Variants in MYRIP observed in about 807,000 individuals in gnomAD.
The protein encoded by MYRIP is myosin VIIA and Rab interacting protein.
MYRIP carries 49 observed loss-of-function variants against 98.0 expected under a neutral mutation model. The ratio of observed to expected loss-of-function variants is 0.50; its 90% confidence interval spans 0.40 to 0.63. The LOEUF (loss-of-function observed/expected upper bound fraction) is 0.63. MYRIP is among the 30% of genes least tolerant of loss of function. MYRIP has a pLI of 0.00. For synonymous variants in MYRIP, 404 were observed against 409.5 expected (o/e 0.99, Z 0.16); for missense variants, 1,004 against 1,058.2 (o/e 0.95, Z 0.71).
At chr3:40,023,697 T>C (rs1947056177) in intron 2 of MYRIP, among the ~76,000 whole-genome samples, 1 of 152,112 alleles carries the variant, frequency 6.6e-6, no homozygotes, top group Non-Finnish European at 1.5e-5. Flanking sequence ...GGCAGAAGAA[T>C]CTAGGAAAGG....
chr3:40,088,101 G>A (rs559465155), intron 3 of MYRIP, among the ~76,000 whole-genome samples: 24 of 152,312 alleles, frequency 1.6e-4, no homozygotes, highest in Admixed American at 1.4e-3. Context: ...GTTGACCTGG[G>A]AGCCAATAAG....
intron 1 of MYRIP, among the ~76,000 whole-genome samples, chr3:39,862,310 C>T (rs1025980818): frequency 3.3e-5 from 5 of 152,082 alleles, no homozygotes; most frequent in African/African-American, 1.2e-4. Context: ...TACCATCAGC[C>T]CTGGATTATA....
intron 2 of MYRIP, among the ~76,000 whole-genome samples, chr3:39,997,785 A>G (rs1370869774): frequency 6.6e-6 from 1 of 152,222 alleles, no homozygotes; most frequent in Non-Finnish European, 1.5e-5. Context: ...AAAATCCATG[A>G]TAAAATACTG....
intron 2 of MYRIP, among the ~76,000 whole-genome samples, chr3:39,988,068 C>A (rs950432835): frequency 3.3e-5 from 5 of 152,004 alleles, no homozygotes; most frequent in African/African-American, 1.2e-4. Flanking sequence ...GAACAAAAAA[C>A]CAAACACCGC....
chr3:40,210,488 A>C (rs1365811187), intron 11 of MYRIP, among the ~76,000 whole-genome samples: 1 of 151,890 alleles, frequency 6.6e-6, no homozygotes, highest in Non-Finnish European at 1.5e-5. Context: ...CATCTAGCCA[A>C]CCCCTCTTTT....
intron 1 of MYRIP, among the ~76,000 whole-genome samples, chr3:39,869,437 T>C (rs1559502357): frequency 6.6e-6 from 1 of 152,176 alleles, no homozygotes; most frequent in Non-Finnish European, 1.5e-5. Context: ...TCTATTGATA[T>C]TCTCTGGTGA....
intron 1 of MYRIP, among the ~76,000 whole-genome samples, chr3:39,864,537 A>G (rs2125622478): frequency 6.6e-6 from 1 of 152,318 alleles, no homozygotes; most frequent in Non-Finnish European, 1.5e-5. Context: ...TCAGTAATCC[A>G]GTTCCATTAA....
At chr3:40,249,869 T>C (rs1953319737) in intron 13 of MYRIP, among the ~76,000 whole-genome samples, 1 of 152,166 alleles carries the variant, frequency 6.6e-6, no homozygotes. Context: ...ACAGGACATA[T>C]AAATCCTATG....
At chr3:39,824,542 T>A (rs1941208202) in intron 1 of MYRIP, among the ~76,000 whole-genome samples, 1 of 152,142 alleles carries the variant, frequency 6.6e-6, no homozygotes, top group African/African-American at 2.4e-5. Context: ...CAGTGTTTTA[T>A]ATAGTTTATT....
intron 2 of MYRIP, among the ~76,000 whole-genome samples, chr3:40,038,968 G>A (rs1369790583): frequency 6.6e-6 from 1 of 152,160 alleles, no homozygotes; most frequent in Non-Finnish European, 1.5e-5. Context: ...GATAGGCAGA[G>A]ATGGAACAGC....
chr3:40,032,626 G>A (rs563921339), intron 2 of MYRIP, among the ~76,000 whole-genome samples: 11 of 152,144 alleles, frequency 7.2e-5, no homozygotes, highest in African/African-American at 2.4e-4. Context: ...ATTCACAGCC[G>A]AATTCTACCA....
intron 2 of MYRIP, among the ~76,000 whole-genome samples, chr3:39,958,941 G>A (rs941104611): frequency 1.3e-5 from 2 of 152,122 alleles, no homozygotes; most frequent in African/African-American, 4.8e-5. Flanking sequence ...CATCATCACT[G>A]GCCATCAGAG....
At chr3:40,256,375 G>A (rs1027489676) in intron 16 of MYRIP, among the ~76,000 whole-genome samples, 1 of 151,710 alleles carries the variant, frequency 6.6e-6, no homozygotes, top group Admixed American at 6.6e-5. Context: ...AAGCAAATAG[G>A]ATACATATAA....
At chr3:39,829,067 C>T (rs953642554) in intron 1 of MYRIP, among the ~76,000 whole-genome samples, 3 of 152,186 alleles carry the variant, frequency 2.0e-5, no homozygotes, top group Non-Finnish European at 4.4e-5. Flanking sequence ...TTTTCCATAG[C>T]AGCTATACTA....
At chr3:40,102,711 G>A (rs1948969365) in intron 3 of MYRIP, among the ~76,000 whole-genome samples, 1 of 151,902 alleles carries the variant, frequency 6.6e-6, no homozygotes, top group Non-Finnish European at 1.5e-5. Flanking sequence ...TGTCACCTCT[G>A]GCATCTCAGA....
intron 1 of MYRIP, among the ~76,000 whole-genome samples, chr3:39,855,998 C>T (rs1942280112): frequency 6.6e-6 from 1 of 152,176 alleles, no homozygotes; most frequent in African/African-American, 2.4e-5. Flanking sequence ...GGAGTGTCTT[C>T]AAAGCATTTC....
intron 3 of MYRIP, among the ~76,000 whole-genome samples, chr3:40,057,810 A>T (rs1947913983): frequency 6.6e-6 from 1 of 152,192 alleles, no homozygotes; most frequent in Admixed American, 6.6e-5. Flanking sequence ...CATTAAGTTC[A>T]TGTGCTCTGC....
intron 10 of MYRIP, 134 bp from the exon 11 acceptor site, chr3:40,209,720 C>A: frequency 1.7e-6 from 2 of 1,178,652 alleles, no homozygotes; most frequent in South Asian, 3.2e-5. Context: ...GAAGAGAAAG[C>A]AGACCAGGTA....
intron 1 of MYRIP, among the ~76,000 whole-genome samples, chr3:39,850,925 G>T (rs1942112006): frequency 6.6e-6 from 1 of 152,136 alleles, no homozygotes. Flanking sequence ...TTAGTGGTCT[G>T]TGCAGGGGAT....
Sources: gnomAD v4.1 joint callset for allele counts (sites outside exome capture counted in the v4.1 genomes callset) on GRCh38, gnomAD v4.1.1 for gene constraint, MANE v1.5 for transcripts, NCBI Gene and HGNC (gene_info 2026-07-23, HGNC 2026-07-21) for gene names.